CBR1: variants seen among roughly 807,000 people sequenced by gnomAD.
The protein encoded by CBR1 is carbonyl reductase 1, also known as carbonyl reductase [NADPH] 1.
A neutral mutation model predicts 10.6 loss-of-function variants in CBR1; 11 were observed. The observed-to-expected ratio is 1.03, with a 90% CI of 0.65 to 1.71. CBR1 has a LOEUF of 1.71. CBR1 is among the 40% of genes most tolerant of loss of function. The probability of loss-of-function intolerance (pLI) is 0.00; values close to 1 mark genes in which losing one functional copy is unlikely to be tolerated. For missense variants in CBR1, 361 were observed against 368.6 expected (o/e 0.98, Z 0.17); for synonymous variants, 158 against 156.7 (o/e 1.01, Z -0.06).
Position 36,070,853 on chromosome 21 carries a change from G to GTTT in CBR1, c.290-72_290-70dup. ...ACTTACTTTAGGCAGAGGGCACTAA[G>GTTT]TTTTTTTTTTTTTTTTTTTTTTTTT... On this transcript the variant is annotated intron_variant, in intron 1 of 2. Coordinates refer to ENST00000290349, the MANE Select transcript of CBR1 (RefSeq NM_001757.4). The GTTT allele has an allele frequency of 5.9e-5, 30 of 509,216 alleles. 1 individual carries two copies. Among genetic ancestry groups the GTTT allele is most frequent in the South Asian group, 2.0e-4 (9 of 43,910 alleles). 31.5% of individuals were successfully genotyped at this position (509,216 alleles called of 1,614,324 possible).
rs2065361573 is a variant in CBR1, at chr21:36,072,667, A to G, written c.619A>G (p.Ile207Val). 6.2e-7 allele frequency: 1 copy of G among 1,613,898 alleles called. No individual in the cohort carries two copies. The highest frequency in any genetic ancestry group is 1.3e-5 in the African/African-American group (1 of 74,902). Reference sequence around the variant, plus strand: ...GATTGGCGTCACCGTTCTGTCCAGGATCCACGCCAGGAAACTGAGTGAGCA... The same window carrying G: ...GATTGGCGTCACCGTTCTGTCCAGGGTCCACGCCAGGAAACTGAGTGAGCA... ...TKIGVTVLSRIHARKLSEQRK... is the reference protein window; with the variant it reads ...TKIGVTVLSRVHARKLSEQRK... The change falls in exon 3 of 3, where the codon ATC becomes GTC. Residue 207 changes from isoleucine (I) to valine (V), a missense_variant. Transcript: ENST00000290349.
chr21:36,072,237 T>C, intron 2 of CBR1: 1 of 1,550,712 alleles, frequency 6.4e-7, no homozygotes, highest in Admixed American at 2.0e-5. Context: ...AAATCTCACC[T>C]GACTCTACTC....
In CBR1 at chr21:36,072,399, G is replaced by A. The variant is rs2835266; in HGVS notation, c.398-47G>A. On this transcript the variant is annotated intron_variant, in intron 2 of 2. Coordinates refer to ENST00000290349, the MANE Select transcript of CBR1 (RefSeq NM_001757.4). ...GCAAATTTGGCATTCACCTCTCTAC[G>A]GGATTGTTGCACACCTTTCTACATA... The A allele has an allele frequency of 0.056, 90,755 of 1,613,692 alleles. 2,976 individuals are homozygous for A. The highest frequency in any genetic ancestry group is 0.063 in the Non-Finnish European group (73,767 of 1,179,794).
intron 2 of CBR1, chr21:36,071,667 A>T (rs928932668): frequency 6.5e-6 from 4 of 611,754 alleles, no homozygotes; most frequent in Non-Finnish European, 1.2e-5. Flanking sequence ...ATAATCATTT[A>T]CTAGGTCCTA....
At position 36,072,751 on chromosome 21, in the gene CBR1, A is replaced by G. The variant is rs1189297937; in HGVS notation, c.703A>G (p.Met235Val). 1 of 1,614,152 alleles carries G rather than the reference A, an allele frequency of 6.2e-7. No homozygotes were observed. The highest frequency in any genetic ancestry group is 1.7e-5 in the Admixed American group (1 of 60,024). Residue 235 changes from methionine to valine, a missense_variant, in exon 3 of 3, where the codon ATG (methionine) becomes GTG (valine). Met to Val is a conservative substitution (Grantham distance 21, BLOSUM62 1). Transcript: ENST00000290349. ...ACCPGWVRTD[M>V]AGPKATKSPE... ...CTGCCCAGGGTGGGTGAGAACTGAC[A>G]TGGCGGGACCCAAGGCCACCAAGAG...
rs1434466684 is a variant in CBR1 at position 36,070,873 on chromosome 21, T to G, written c.290-77T>G. 1.4e-5 allele frequency: 12 copies of G among 849,522 alleles called. 2 individuals carry two copies. Among genetic ancestry groups the G allele is most frequent in the African/African-American group, 1.7e-5 (1 of 58,560 alleles). The allele number at this position is 849,522 out of a possible 1,614,324, so 52.6% of individuals were successfully genotyped here. A position where few individuals can be genotyped will look rare whatever the true frequency, so the allele number is the denominator to read the frequency against. On this transcript the variant is annotated intron_variant, in intron 1 of 2. Coordinates refer to ENST00000290349, the MANE Select transcript of CBR1 (RefSeq NM_001757.4). ...ACTAAGTTTTTTTTTTTTTTTTTTTTTTTTTTTAGTATCATTGTATAGAAT... is the reference window on the plus strand; with the variant it reads ...ACTAAGTTTTTTTTTTTTTTTTTTTGTTTTTTTAGTATCATTGTATAGAAT...
chr21:36,071,128 C>T (rs764936035), intron 2 of CBR1, 71 bp downstream of exon 2: 9 of 955,426 alleles, frequency 9.4e-6, no homozygotes, highest in African/African-American at 1.6e-5. Flanking sequence ...TGGGATTTCT[C>T]CTGCAGGCTC....
intron 2 of CBR1, chr21:36,071,343 T>C: frequency 1.6e-6 from 1 of 620,826 alleles, no homozygotes; most frequent in Non-Finnish European, 2.9e-6. Context: ...ATGCTCTTTA[T>C]TTGCTCCATT....
In CBR1 at chr21:36,070,942, C is replaced by G; in HGVS notation, c.290-8C>G. ...TGTATTAACTATGTTCTCTTTCTCT[C>G]CTAAAAGTTGCTGATCCCACACCCT... On this transcript the variant is annotated splice_polypyrimidine_tract_variant and splice_region_variant and intron_variant, in intron 1 of 2. Transcript: ENST00000290349. 6.3e-7 allele frequency: 1 copy of G among 1,581,330 alleles called. No homozygotes were observed. The highest frequency in any genetic ancestry group is 8.7e-7 in the Non-Finnish European group (1 of 1,151,940).
At chr21:36,072,284 C>T in intron 2 of CBR1, 162 bp from the exon 3 acceptor site, 1 of 1,552,730 alleles carries the variant, frequency 6.4e-7, no homozygotes, top group Non-Finnish European at 8.7e-7. Flanking sequence ...CTTCTTCATG[C>T]AACTACCACC....
rs374191813 is a variant in CBR1, at chr21:36,070,411, G to T, written c.289+7G>T. The T allele has an allele frequency of 3.0e-5, 47 of 1,586,070 alleles. No individual in the cohort carries two copies. The highest frequency in any genetic ancestry group is 3.8e-5 in the Non-Finnish European group (44 of 1,165,020). ...GCGGGCATCGCCTTCAAGGGTATGG[G>T]GAGGGGACGTGGCCTCCCCGAAGAA... On this transcript the variant is annotated splice_region_variant and intron_variant, in intron 1 of 2. Transcript: ENST00000290349.
chr21:36,070,985 G>T lies in CBR1; in HGVS notation c.325G>T (p.Val109Leu), dbSNP rs774437766. The stretch of plus-strand genomic sequence containing the variant: ...CACACCCTTTCATATTCAAGCTGAA[G>T]TGACGATGAAAACAAATTTCTTTGG... ...DPTPFHIQAE[V>L]TMKTNFFGTR... is the part of the protein sequence containing the mutation. Residue 109 changes from valine (V) to leucine (L), a missense_variant, in exon 2 of 3, where the codon GTG (valine) becomes TTG (leucine). Transcript: ENST00000290349. The T allele has an allele frequency of 8.7e-6, 14 of 1,612,808 alleles. No individual in the cohort carries two copies. In the East Asian group the frequency reaches 2.9e-4, roughly 33 times the overall value.
At chr21:36,072,040 C>A in intron 2 of CBR1, 1 of 1,498,922 alleles carries the variant, frequency 6.7e-7, no homozygotes. Flanking sequence ...GGAGATGAAC[C>A]CACCCATTAA....
rs1232741359 is a variant in CBR1 at position 36,070,289 on chromosome 21, C to G, written c.174C>G (p.Arg58=). The change falls in exon 1 of 3, where the codon CGC becomes CGG. Residue 58 remains arginine (R), a synonymous_variant. Coordinates refer to ENST00000290349, the MANE Select transcript of CBR1 (RefSeq NM_001757.4). ...TGCAGGCGGAGGGCCTGAGCCCGCG[C>G]TTCCACCAGCTGGACATCGACGATC... ...QQLQAEGLSP[R]FHQLDIDDLQ... 4 of 1,612,790 alleles carry G rather than the reference C, an allele frequency of 2.5e-6. No individual in the cohort carries two copies. The African/African-American group carries it at 5.3e-5, about 22-fold the overall frequency.
At position 36,070,138 on chromosome 21, in the gene CBR1, C is replaced by T; in HGVS notation, c.23C>T (p.Ala8Val). 2 of 1,555,856 alleles carry T rather than the reference C, an allele frequency of 1.3e-6. No individual in the cohort carries two copies. The highest frequency in any genetic ancestry group is 1.7e-4 in the Middle Eastern group (1 of 5,736). MSSGIHV[A>V]LVTGGNKGIG... ...GCCATGTCGTCCGGCATCCATGTAG[C>T]GCTGGTGACTGGAGGCAACAAGGGC... Residue 8 changes from alanine to valine, a missense_variant, in exon 1 of 3, where the codon GCG (alanine) becomes GTG (valine). Coordinates refer to ENST00000290349, the MANE Select transcript of CBR1 (RefSeq NM_001757.4).
rs766572624 is a variant in CBR1 at position 36,072,370 on chromosome 21, C to G, written c.398-76C>G. 35 of 1,612,756 alleles carry G rather than the reference C, an allele frequency of 2.2e-5. No individual in the cohort carries two copies. In the African/African-American group the frequency reaches 3.7e-4, roughly 17 times the overall value. Reference sequence around the variant, plus strand: ...ATATGAAAATTTTCTGCTCCAAAATCCCTGCAAATTTGGCATTCACCTCTC... The same window carrying G: ...ATATGAAAATTTTCTGCTCCAAAATGCCTGCAAATTTGGCATTCACCTCTC... On this transcript the variant is annotated intron_variant, in intron 2 of 2. Transcript: ENST00000290349.
intron 2 of CBR1, chr21:36,071,931 C>G: frequency 6.5e-7 from 1 of 1,536,064 alleles, no homozygotes; most frequent in Non-Finnish European, 8.7e-7. Context: ...AACTCTGGGC[C>G]CATTTTAACT....
Position 36,070,853 on chromosome 21 carries a change from G to GTT in CBR1, c.290-71_290-70dup, listed in dbSNP as rs66638540. 1.4e-4 allele frequency: 70 copies of GTT among 509,396 alleles called. 3 individuals are homozygous for GTT. The highest frequency in any genetic ancestry group is 4.0e-4 in the East Asian group (11 of 27,292). The allele number at this position is 509,396 out of a possible 1,614,324, so 31.6% of individuals were successfully genotyped here. ...ACTTACTTTAGGCAGAGGGCACTAA[G>GTT]TTTTTTTTTTTTTTTTTTTTTTTTT... On this transcript the variant is annotated intron_variant, in intron 1 of 2. Coordinates refer to ENST00000290349, the MANE Select transcript of CBR1 (RefSeq NM_001757.4).
chr21:36,072,874 C>T lies in CBR1; in HGVS notation c.826C>T (p.Gln276Ter), dbSNP rs1321771130. ...GQFVSEKRVE[Q>*]W Reference sequence around the variant, plus strand: ...ATTTGTTTCAGAGAAGAGAGTTGAACAGTGGTGAGCTGGGCTCACAGCTCC... The same window carrying T: ...ATTTGTTTCAGAGAAGAGAGTTGAATAGTGGTGAGCTGGGCTCACAGCTCC... The change falls in exon 3 of 3, where the codon CAG becomes TAG. Residue 276 changes from glutamine to a stop codon, truncating the protein, a stop_gained. Transcript: ENST00000290349. LOFTEE classifies it high-confidence loss of function. The T allele has an allele frequency of 1.9e-6, 3 of 1,609,374 alleles. No individual in the cohort carries two copies. The highest frequency in any genetic ancestry group is 2.7e-5 in the African/African-American group (2 of 74,848).
Sources: gnomAD v4.1 joint callset for allele counts on GRCh38, gnomAD v4.1.1 for gene constraint, MANE v1.5 for transcripts, NCBI Gene and HGNC (gene_info 2026-07-23, HGNC 2026-07-21) for gene names.